DRAM2: variants seen among roughly 807,000 people sequenced by gnomAD.
DRAM2 encodes DNA damage-regulated autophagy modulator protein 2.
In DRAM2, 26 loss-of-function variants were observed where a neutral mutation model predicts 33.5. The ratio of observed to expected loss-of-function variants is 0.78; its 90% CI spans 0.57 to 1.08. The LOEUF (loss-of-function observed/expected upper bound fraction) is 1.08, where lower values mean the gene tolerates loss of function less well. DRAM2 is among the 50% of genes least tolerant of loss of function. The probability of loss-of-function intolerance (pLI) is 0.00; values close to 1 mark genes in which losing one functional copy is unlikely to be tolerated. For synonymous variants in DRAM2, 98 were observed against 109.5 expected, an observed-to-expected ratio of 0.89 and a Z score of 0.66; for missense variants, 311 against 318.1, an observed-to-expected ratio of 0.98 and a Z score of 0.17.
In DRAM2 at chr1:111,120,067, C is replaced by A. The variant is rs117892359; in HGVS notation, c.518-108G>T. 4.2e-4 allele frequency: 399 copies of A among 954,556 alleles called. 3 individuals carry two copies. The East Asian group carries it at 9.7e-3, about 23-fold the overall frequency. The allele number at this position is 954,556 out of a possible 1,614,324, so 59.1% of individuals were successfully genotyped here. A position where few individuals can be genotyped will look rare whatever the true frequency, so the allele number is the denominator to read the frequency against. ...CACATTTATTGCTAAGGTCTAAACC[C>A]ATTTTCTTAAAGACTTAATGTTACA... On this transcript the variant is annotated intron_variant, in intron 7 of 9. Transcript: ENST00000484310.
chr1:111,124,908 C>A (rs750873661), intron 5 of DRAM2, 27 bp from the exon 6 acceptor site: 168 of 1,602,172 alleles, frequency 1.0e-4, no homozygotes, highest in Non-Finnish European at 1.2e-4. Context: ...CAAAAAACAA[C>A]AAAGTAATAA....
chr1:111,121,379 T>A (rs759615550), intron 6 of DRAM2, among the ~76,000 whole-genome samples: 2 of 152,050 alleles, frequency 1.3e-5, no homozygotes, highest in Non-Finnish European at 2.9e-5. Flanking sequence ...AATAAGAGAA[T>A]CAACCCTACC....
At position 111,131,457 on chromosome 1, in the gene DRAM2, A is replaced by C. The variant is rs749187958; in HGVS notation, c.98T>G (p.Leu33Arg). 7 of 1,614,002 alleles carry C rather than the reference A, an allele frequency of 4.3e-6. No homozygotes were observed. Among genetic ancestry groups the C allele is most frequent in the Admixed American group, 1.7e-5 (1 of 60,004 alleles). ...AGGTAAAGCCGGGTCTATATGGTGG[A>C]GTGTTACTGCAGTAATGTATGAAAA... is the stretch of plus-strand genomic sequence containing the variant. ...FIFSYITAVT[L>R]HHIDPALPYI... The change falls in exon 4 of 10, where the codon CTC becomes CGC. Residue 33 changes from leucine to arginine, a missense_variant. Coordinates refer to ENST00000484310, the MANE Select transcript of DRAM2 (RefSeq NM_001349884.2).
intron 2 of DRAM2, among the ~76,000 whole-genome samples, chr1:111,138,709 G>C (rs1418219260): frequency 6.6e-6 from 1 of 152,172 alleles, no homozygotes; most frequent in African/African-American, 2.4e-5. Context: ...ACTTGAACGC[G>C]GGAGGCGGAG....
chr1:111,122,360 T>C (rs1415773771), intron 6 of DRAM2, among the ~76,000 whole-genome samples: 1 of 151,566 alleles, frequency 6.6e-6, no homozygotes, highest in African/African-American at 2.4e-5. Context: ...TCTAAGCTAG[T>C]TGAGAAGAAG....
chr1:111,127,405 T>C (rs919849441), intron 4 of DRAM2, among the ~76,000 whole-genome samples: 3 of 152,066 alleles, frequency 2.0e-5, no homozygotes, highest in African/African-American at 7.2e-5. Flanking sequence ...TGGAAAGTAT[T>C]AAACATGAAT....
chr1:111,134,301 A>AT (rs1652712939), intron 3 of DRAM2, among the ~76,000 whole-genome samples: 1 of 151,750 alleles, frequency 6.6e-6, no homozygotes, highest in Non-Finnish European at 1.5e-5. Context: ...ATCTTCTCAT[A>AT]TTTTTTTGAT....
intron 6 of DRAM2, among the ~76,000 whole-genome samples, chr1:111,121,521 ACTC>A (rs1383077000): frequency 6.6e-6 from 1 of 152,104 alleles, no homozygotes; most frequent in African/African-American, 2.4e-5. Flanking sequence ...AAGTTTTACT[ACTC>A]TCCTTTGATA....
intron 4 of DRAM2, among the ~76,000 whole-genome samples, chr1:111,128,907 C>T (rs1287806012): frequency 6.6e-6 from 1 of 152,168 alleles, no homozygotes; most frequent in African/African-American, 2.4e-5. Flanking sequence ...TAAATATGTA[C>T]CTTCCGGAGT....
chr1:111,121,058 T>C (rs1649954356), intron 6 of DRAM2, among the ~76,000 whole-genome samples: 1 of 151,994 alleles, frequency 6.6e-6, no homozygotes, highest in African/African-American at 2.4e-5. Flanking sequence ...CTGAGTTTAG[T>C]AAAGGTACAT....
rs1408533359 is a variant in DRAM2, at chr1:111,120,497, A to G, written c.517+19T>C. 2 of 1,539,486 alleles carry G rather than the reference A, an allele frequency of 1.3e-6. No homozygotes were observed. Among genetic ancestry groups the G allele is most frequent in the African/African-American group, 2.8e-5 (2 of 71,762 alleles). ...TCAATTCCTTTCCAAGTGTAGCCAC[A>G]TTGTACAGTGAAGGATACTGCTAAG... On this transcript the variant is annotated intron_variant, in intron 7 of 9. Coordinates refer to ENST00000484310, the MANE Select transcript of DRAM2 (RefSeq NM_001349884.2).
At chr1:111,129,117 C>T (rs1412582683) in intron 4 of DRAM2, among the ~76,000 whole-genome samples, 1 of 152,088 alleles carries the variant, frequency 6.6e-6, no homozygotes, top group South Asian at 2.1e-4. Flanking sequence ...ATAGTAATGC[C>T]CAGATCTTTT....
intron 6 of DRAM2, 109 bp from the exon 7 acceptor site, chr1:111,120,802 G>A (rs987618422): frequency 5.4e-6 from 5 of 918,540 alleles, no homozygotes; most frequent in African/African-American, 1.7e-5. Context: ...TCACTGAGTA[G>A]AGAAGCTCGG....
At chr1:111,131,788 A>G (rs189594783) in intron 3 of DRAM2, among the ~76,000 whole-genome samples, 10 of 152,322 alleles carry the variant, frequency 6.6e-5, no homozygotes, top group African/African-American at 9.6e-5. Flanking sequence ...TTCTTGTCCC[A>G]TCTTCCCATG....
At chr1:111,120,416 A>C in intron 7 of DRAM2, 100 bp downstream of exon 7, 1 of 489,990 alleles carries the variant, frequency 2.0e-6, no homozygotes, top group Non-Finnish European at 2.9e-6. Flanking sequence ...AAAAAAAAAA[A>C]AAAGACAAAA....
intron 3 of DRAM2, among the ~76,000 whole-genome samples, chr1:111,134,060 A>C (rs2101106892): frequency 6.6e-6 from 1 of 152,348 alleles, no homozygotes; most frequent in South Asian, 2.1e-4. Flanking sequence ...TTGGGGCAGC[A>C]GGAGCAGGGG....
At chr1:111,120,812 G>T in intron 6 of DRAM2, 119 bp from the exon 7 acceptor site, 1 of 798,902 alleles carries the variant, frequency 1.3e-6, no homozygotes, top group Non-Finnish European at 1.8e-6. Flanking sequence ...GAGAAGCTCG[G>T]CCAATTCTAC....
At chr1:111,135,367 G>C (rs1652957204) in intron 3 of DRAM2, among the ~76,000 whole-genome samples, 1 of 152,082 alleles carries the variant, frequency 6.6e-6, no homozygotes, top group Non-Finnish European at 1.5e-5. Context: ...CCCTGATTGT[G>C]CTCTACTTCT....
chr1:111,118,150 T>C lies in DRAM2; in HGVS notation c.*10A>G, dbSNP rs145474442. 1.9e-6 allele frequency: 3 copies of C among 1,603,440 alleles called. No homozygotes were observed. The highest frequency in any genetic ancestry group is 2.6e-6 in the Non-Finnish European group (3 of 1,170,504). On this transcript the variant is annotated 3_prime_UTR_variant, in exon 10 of 10. Transcript: ENST00000484310. The stretch of plus-strand genomic sequence containing the variant: ...AATCATAATCATTACAGAAATATTT[T>C]ATCCTTTCATCAAATATCTCTGGAA...
Sources: gnomAD v4.1 joint callset for allele counts (sites outside exome capture counted in the v4.1 genomes callset) on GRCh38, gnomAD v4.1.1 for gene constraint, MANE v1.5 for transcripts, NCBI Gene and HGNC (gene_info 2026-07-23, HGNC 2026-07-21) for gene names.